Variants in SLC30A6 observed in about 807,000 individuals in gnomAD.
SLC30A6 encodes the protein zinc transporter 6.
In SLC30A6, 55 loss-of-function variants were observed where a neutral mutation model predicts 63.0. The observed-to-expected ratio is 0.87, with a 90% CI of 0.70 to 1.09. The LOEUF (loss-of-function observed/expected upper bound fraction) is 1.09, where lower values mean the gene tolerates loss of function less well. SLC30A6 is among the 50% of genes least tolerant of loss of function. The probability of loss-of-function intolerance (pLI) is 0.00; values close to 1 mark genes in which losing one functional copy is unlikely to be tolerated. For missense variants in SLC30A6, 587 were observed against 549.2 expected (o/e 1.07, Z -0.69); for synonymous variants, 224 against 186.1 (o/e 1.20, Z -1.66).
chr2:32,201,710 G>T (rs1219020414), intron 10 of SLC30A6: 1 of 1,398,890 alleles, frequency 7.1e-7, no homozygotes. Flanking sequence ...TCACAGTTTC[G>T]GCTAATGGAT....
In SLC30A6 at chr2:32,204,882, C is replaced by T. The variant is rs573884199; in HGVS notation, c.768+190C>T. On this transcript the variant is annotated intron_variant, in intron 11 of 13. Transcript: ENST00000282587. The stretch of plus-strand genomic sequence containing the variant: ...AGACTGGAGTACAGTGGTGGGATCT[C>T]GGCTCACTGCCGCCTTGACCTCCCA... Among the ~76,000 whole-genome samples, 35 of 142,104 alleles carry T rather than the reference C, an allele frequency of 2.5e-4. No homozygotes were observed. In the South Asian group the frequency reaches 5.9e-3, roughly 24 times the overall value. The allele number at this position is 142,104 out of a possible 152,430, so 93.2% of individuals were successfully genotyped here.
chr2:32,200,311 G>A (rs1184629935), intron 10 of SLC30A6, among the ~76,000 whole-genome samples: 1 of 151,916 alleles, frequency 6.6e-6, no homozygotes, highest in Non-Finnish European at 1.5e-5. Context: ...TTGCTAGTTT[G>A]GAGATAATAT....
At chr2:32,172,195 T>C (rs1179033633) in intron 2 of SLC30A6, among the ~76,000 whole-genome samples, 1 of 152,170 alleles carries the variant, frequency 6.6e-6, no homozygotes, top group African/African-American at 2.4e-5. Flanking sequence ...AAGTACAATA[T>C]AAACATTCAG....
intron 5 of SLC30A6, among the ~76,000 whole-genome samples, chr2:32,184,894 C>G (rs1003977471): frequency 6.6e-6 from 1 of 152,052 alleles, no homozygotes; most frequent in Non-Finnish European, 1.5e-5. Context: ...ACGTTAAGTT[C>G]TTTAATATTT....
intron 2 of SLC30A6, among the ~76,000 whole-genome samples, chr2:32,173,707 A>T (rs1389771009): frequency 1.3e-5 from 2 of 152,106 alleles, no homozygotes; most frequent in African/African-American, 4.8e-5. Context: ...CTTTATTCAG[A>T]TTCACCAGTT....
chr2:32,220,625 T>C lies in SLC30A6; in HGVS notation c.1298T>C (p.Ile433Thr), dbSNP rs543354637. ...AATCAAGGACTTGGAGTTCCAGGAA[T>C]TGGAGCAACTCAAGGATTGAGGACT... is the stretch of plus-strand genomic sequence containing the variant. ...MLNQGLGVPG[I>T]GATQGLRTGF... is the part of the protein sequence containing the mutation. The change falls in exon 14 of 14, where the codon ATT (isoleucine) becomes ACT (threonine). Residue 433 changes from isoleucine (I) to threonine (T), a missense_variant. By Grantham distance (89) the Ile-to-Thr change is moderately conservative. Coordinates refer to ENST00000282587, the MANE Select transcript of SLC30A6 (RefSeq NM_017964.5). The C allele has an allele frequency of 1.9e-6, 3 of 1,614,178 alleles. No homozygotes were observed. Among genetic ancestry groups the C allele is most frequent in the Admixed American group, 1.7e-5 (1 of 60,014 alleles).
rs1000589944 is a variant in SLC30A6 at position 32,193,022 on chromosome 2, G to A, written c.401+69G>A. The A allele has an allele frequency of 9.7e-6, 10 of 1,025,760 alleles. No individual in the cohort carries two copies. In the African/African-American group the frequency reaches 1.2e-4, roughly 12 times the overall value. The allele number at this position is 1,025,760 out of a possible 1,614,324, so 63.5% of individuals were successfully genotyped here. On this transcript the variant is annotated intron_variant, in intron 7 of 13. Transcript: ENST00000282587. ...TTATTAATTGATGTATTATTAAACA[G>A]TTGGCCAATGTCAGATTTCAGACTG...
At chr2:32,216,232 AC>A (rs1685689193) in intron 13 of SLC30A6, among the ~76,000 whole-genome samples, 1 of 151,890 alleles carries the variant, frequency 6.6e-6, no homozygotes, top group African/African-American at 2.4e-5. Flanking sequence ...TTGTTTTTTC[AC>A]TTTTTAATAA....
intron 5 of SLC30A6, among the ~76,000 whole-genome samples, chr2:32,188,360 C>G (rs1047330077): frequency 3.9e-5 from 6 of 152,184 alleles, no homozygotes; most frequent in African/African-American, 9.7e-5. Context: ...ACAGAACTTA[C>G]CAAACAAGGT....
At chr2:32,173,906 G>A (rs1366168077) in intron 2 of SLC30A6, among the ~76,000 whole-genome samples, 157 bp from the exon 3 acceptor site, 1 of 152,126 alleles carries the variant, frequency 6.6e-6, no homozygotes, top group Non-Finnish European at 1.5e-5. Flanking sequence ...TAACTTAGCC[G>A]ATGACAATTT....
chr2:32,205,593 A>G (rs1034939781), intron 11 of SLC30A6, among the ~76,000 whole-genome samples: 5 of 151,670 alleles, frequency 3.3e-5, no homozygotes, highest in Non-Finnish European at 7.4e-5. Context: ...AAATCTTCCT[A>G]TATTTATATT....
rs1312581456 is a variant in SLC30A6, at chr2:32,216,234, T to C, written c.886-3979T>C. 4.6e-5 allele frequency among the ~76,000 whole-genome samples: 7 copies of C among 152,174 alleles called. No homozygotes were observed. The East Asian group carries it at 1.3e-3, about 29-fold the overall frequency. On this transcript the variant is annotated intron_variant, in intron 13 of 13. Coordinates refer to ENST00000282587, the MANE Select transcript of SLC30A6 (RefSeq NM_017964.5). ...TCACCAGCATCTGTTGTTTTTTCAC[T>C]TTTTAATAATAACCATTCTGGCTGG...
chr2:32,193,336 A>T (rs1384799077), intron 7 of SLC30A6, among the ~76,000 whole-genome samples: 1 of 152,082 alleles, frequency 6.6e-6, no homozygotes, highest in Non-Finnish European at 1.5e-5. Context: ...GCACTTTGGG[A>T]GGCTAAGGCA....
chr2:32,184,284 GT>G lies in SLC30A6; in HGVS notation c.233del (p.Leu78Ter). On this transcript the variant is annotated frameshift_variant, in exon 5 of 14. Coordinates refer to ENST00000282587, the MANE Select transcript of SLC30A6 (RefSeq NM_017964.5). LOFTEE classifies it high-confidence loss of function. ...TTCTTTTTACTTAGTTTAATGACAT[GT>G]TTAATAAGTTACTGGGTAACATTGA... is the stretch of plus-strand genomic sequence containing the variant. The part of the protein sequence containing the change: ...TIFDLFSLMT[C>X]LISYWVTLRK... The G allele has an allele frequency of 6.5e-7, 1 of 1,540,346 alleles. No homozygotes were observed. The highest frequency in any genetic ancestry group is 8.8e-7 in the Non-Finnish European group (1 of 1,136,722).
chr2:32,174,548 A>AGTTTTT (rs1681541474), intron 3 of SLC30A6, among the ~76,000 whole-genome samples: 1 of 92,302 alleles, frequency 1.1e-5, no homozygotes, highest in African/African-American at 4.6e-5. Context: ...CTATCTGGAG[A>AGTTTTT]TTTTTTTTTT....
intron 2 of SLC30A6, 98 bp from the exon 3 acceptor site, chr2:32,173,965 T>G (rs1681470182): frequency 1.2e-6 from 1 of 849,516 alleles, no homozygotes; most frequent in Non-Finnish European, 1.8e-6. Context: ...AAGTTATGTT[T>G]ATTCCTTTGA....
At chr2:32,172,669 G>A (rs992115483) in intron 2 of SLC30A6, among the ~76,000 whole-genome samples, 1 of 152,064 alleles carries the variant, frequency 6.6e-6, no homozygotes, top group Non-Finnish European at 1.5e-5. Flanking sequence ...AAAACCATGC[G>A]ACTGGTCTCA....
Position 32,220,895 on chromosome 2 carries a change from C to T in SLC30A6, c.*182C>T, listed in dbSNP as rs996528178. The T allele has an allele frequency of 8.4e-6, 5 of 594,816 alleles. No homozygotes were observed. The highest frequency in any genetic ancestry group is 1.4e-5 in the Non-Finnish European group (5 of 352,984). 36.8% of individuals were successfully genotyped at this position (594,816 alleles called of 1,614,324 possible). On this transcript the variant is annotated 3_prime_UTR_variant, in exon 14 of 14. Transcript: ENST00000282587. ...AAAATGTATTTGTGACAGTGAAATC[C>T]TCGTAAATGTTAAAGGCTTTAAATA...
intron 1 of SLC30A6, among the ~76,000 whole-genome samples, chr2:32,170,824 C>G (rs1681138774): frequency 6.6e-6 from 1 of 152,214 alleles, no homozygotes; most frequent in Admixed American, 6.5e-5. Flanking sequence ...GTCTCAAACT[C>G]CTGGCCTCAA....
Sources: allele counts gnomAD v4.1 joint callset (sites outside exome capture counted in the v4.1 genomes callset), GRCh38; gene constraint gnomAD v4.1.1; transcripts MANE v1.5; gene names NCBI Gene and HGNC (gene_info 2026-07-23, HGNC 2026-07-21).